Variants in SIMC1 observed in about 807,000 individuals in gnomAD.
SIMC1 encodes SUMO interacting motifs containing 1, also known as SUMO-interacting motif-containing protein 1.
In SIMC1, 55 loss-of-function variants were observed where a neutral mutation model predicts 82.3. That is an observed-to-expected ratio of 0.67 (90% CI 0.54 to 0.84). SIMC1 has a LOEUF of 0.84. Among genes scored for constraint, SIMC1 ranks in the 40% least tolerant of loss-of-function variants. The pLI, the probability that SIMC1 is intolerant of heterozygous loss-of-function variation, is 0.00. For synonymous variants in SIMC1, 353 were observed against 426.3 expected, an observed-to-expected ratio of 0.83 and a Z score of 2.12; for missense variants, 915 against 1,107.2, an observed-to-expected ratio of 0.83 and a Z score of 2.46.
Position 176,295,258 on chromosome 5 carries a change from C to T in SIMC1, c.1660C>T (p.Gln554Ter). The T allele has an allele frequency of 6.2e-7, 1 of 1,612,064 alleles. No homozygotes were observed. The highest frequency in any genetic ancestry group is 8.5e-7 in the Non-Finnish European group (1 of 1,178,956). Residue 554 changes from glutamine to a stop codon, truncating the protein, a stop_gained, in exon 3 of 10, where the codon CAA (glutamine) becomes TAA (stop). Transcript: ENST00000429602. LOFTEE classifies it high-confidence loss of function. ...GGCCTACATGCTTCTCATGAAAATT[C>T]AACAGTATGAACCGTAACCTCTGGC... Reference protein sequence around the residue: ...KEAYMLLMKIQQLHPANAKTV... With the variant: ...KEAYMLLMKI
intron 1 of SIMC1, among the ~76,000 whole-genome samples, chr5:176,269,382 ATAT>A (rs779167999): frequency 0.018 from 2,705 of 151,866 alleles, 6 homozygotes; most frequent in African/African-American, 0.053. Flanking sequence ...TTGATAGGAA[ATAT>A]TATGAACAAT....
intron 4 of SIMC1, among the ~76,000 whole-genome samples, chr5:176,304,586 T>C (rs1443208582): frequency 6.7e-6 from 1 of 148,692 alleles, no homozygotes; most frequent in Non-Finnish European, 1.5e-5. Flanking sequence ...GTGCCGAGAT[T>C]GCAGCCTCTG....
intron 4 of SIMC1, among the ~76,000 whole-genome samples, chr5:176,305,650 C>T (rs1261551485): frequency 1.6e-5 from 2 of 127,072 alleles, no homozygotes; most frequent in Non-Finnish European, 3.4e-5. Flanking sequence ...CCGGCTGCCC[C>T]TACTGGGAAG....
intron 4 of SIMC1, among the ~76,000 whole-genome samples, chr5:176,307,563 G>A (rs1477851629): frequency 3.3e-5 from 5 of 152,054 alleles, no homozygotes; most frequent in African/African-American, 1.2e-4. Flanking sequence ...ACCACGCCCG[G>A]CTAATTTTTT....
intron 7 of SIMC1, among the ~76,000 whole-genome samples, chr5:176,325,482 G>A (rs929494971): frequency 3.9e-5 from 6 of 151,952 alleles, no homozygotes; most frequent in Non-Finnish European, 2.9e-5. Context: ...TCAGGAGATC[G>A]AGACCATCCT....
intron 7 of SIMC1, among the ~76,000 whole-genome samples, chr5:176,330,712 G>A (rs1765610906): frequency 2.6e-5 from 4 of 152,102 alleles, no homozygotes; most frequent in Admixed American, 2.6e-4. Flanking sequence ...ACAGTAAAAA[G>A]CCAACTAATG....
intron 1 of SIMC1, among the ~76,000 whole-genome samples, chr5:176,287,197 C>T (rs1291041879): frequency 6.6e-6 from 1 of 152,124 alleles, no homozygotes; most frequent in Non-Finnish European, 1.5e-5. Flanking sequence ...TATTGTGGTA[C>T]TATTCACAAT....
intron 1 of SIMC1, among the ~76,000 whole-genome samples, chr5:176,275,505 C>A (rs1015771318): frequency 1.3e-5 from 2 of 151,896 alleles, no homozygotes; most frequent in Non-Finnish European, 2.9e-5. Flanking sequence ...ACTTCCAACA[C>A]TGTGTTGAAG....
rs1365942760 is a variant in SIMC1, at chr5:176,290,435, A to G, written c.911A>G (p.Tyr304Cys). 14 of 1,613,902 alleles carry G rather than the reference A, an allele frequency of 8.7e-6. No homozygotes were observed. The highest frequency in any genetic ancestry group is 1.1e-5 in the Non-Finnish European group (13 of 1,179,912). The change falls in exon 2 of 10, where the codon TAC becomes TGC. Residue 304 changes from tyrosine (Y) to cysteine (C), a missense_variant. Physicochemically the swap from Tyr to Cys is radical, Grantham distance 194. Coordinates refer to ENST00000429602, the MANE Select transcript of SIMC1 (RefSeq NM_001308195.2). ...ATATTACATCCACAAGATGTGGCAT[A>G]CCTGCAAGACATGCCACGGTCACCA... The part of the protein sequence containing the change: ...QSILHPQDVA[Y>C]LQDMPRSPGD...
intron 1 of SIMC1, among the ~76,000 whole-genome samples, chr5:176,274,649 T>TA (rs1322609025): frequency 6.6e-6 from 1 of 151,890 alleles, no homozygotes; most frequent in Non-Finnish European, 1.5e-5. Context: ...GTCTAACATT[T>TA]AAGTCTTTAA....
chr5:176,264,188 C>A (rs1163570683), intron 1 of SIMC1, among the ~76,000 whole-genome samples: 1 of 152,268 alleles, frequency 6.6e-6, no homozygotes, highest in Non-Finnish European at 1.5e-5. Flanking sequence ...CCTTTCCAGG[C>A]TGAAAATACA....
At position 176,322,374 on chromosome 5, in the gene SIMC1, G is replaced by A. The variant is rs1311510654; in HGVS notation, c.1991G>A (p.Ser664Asn). The A allele has an allele frequency of 2.5e-6, 4 of 1,607,400 alleles. No homozygotes were observed. Among genetic ancestry groups the A allele is most frequent in the Non-Finnish European group, 3.4e-6 (4 of 1,177,100 alleles). Residue 664 changes from serine (S) to asparagine (N), a missense_variant, in exon 6 of 10, where the codon AGC (serine) becomes AAC (asparagine). Ser to Asn is a conservative substitution (Grantham distance 46). Around this residue, in one of 2 missense-constraint regions of SIMC1, gnomAD observed 902 missense variants for 1,040.3 expected, o/e 0.87. Transcript: ENST00000429602. ...TSSGTGILKASSSHPSSQPNL... is the reference protein window; with the variant it reads ...TSSGTGILKANSSHPSSQPNL... ...TCAGGAACAGGAATCTTGAAAGCCA[G>A]CAGTAGCCACCCTTCTTCCCAGCCC...
intron 9 of SIMC1, 138 bp from the exon 10 acceptor site, chr5:176,345,045 C>T: frequency 9.5e-7 from 1 of 1,048,956 alleles, no homozygotes; most frequent in East Asian, 2.5e-5. Flanking sequence ...TTACTGCAGG[C>T]ACTCACACAG....
intron 9 of SIMC1, among the ~76,000 whole-genome samples, chr5:176,337,609 A>G (rs1373862594): frequency 2.0e-5 from 3 of 152,166 alleles, no homozygotes; most frequent in Non-Finnish European, 4.4e-5. Flanking sequence ...GGGCGGAAAA[A>G]AAGAGAAGTC....
intron 1 of SIMC1, among the ~76,000 whole-genome samples, chr5:176,249,529 G>T (rs13153704): frequency 0.73 from 111,094 of 151,456 alleles, 40,972 homozygotes; most frequent in Middle Eastern, 0.84. Context: ...GTCTATCTAT[G>T]TTGTTAATCT....
intron 1 of SIMC1, among the ~76,000 whole-genome samples, chr5:176,277,649 T>A (rs1026976345): frequency 2.6e-5 from 4 of 152,088 alleles, no homozygotes; most frequent in African/African-American, 9.7e-5. Context: ...AGGGATTCAG[T>A]TTCAGCTTTC....
At position 176,284,172 on chromosome 5, in the gene SIMC1, G is replaced by C. The variant is rs868484945; in HGVS notation, c.130-5482G>C. Among the ~76,000 whole-genome samples the C allele has an allele frequency of 2.6e-5, 4 of 152,154 alleles. No individual in the cohort carries two copies. The East Asian group carries it at 7.7e-4, about 29-fold the overall frequency. ...ATTGAACTCAGCTCTGTACCAAGCG[G>C]ACCTACTAGACATCTACAGAACTCT... On this transcript the variant is annotated intron_variant, in intron 1 of 9. Transcript: ENST00000429602.
intron 1 of SIMC1, among the ~76,000 whole-genome samples, chr5:176,285,736 AC>A (rs1446626652): frequency 2.0e-5 from 3 of 152,020 alleles, no homozygotes; most frequent in Non-Finnish European, 2.9e-5. Context: ...TATTTAGAAA[AC>A]CCCATCGTCT....
chr5:176,291,577 C>A (rs1581262993), intron 2 of SIMC1, among the ~76,000 whole-genome samples: 1 of 152,140 alleles, frequency 6.6e-6, no homozygotes, highest in Non-Finnish European at 1.5e-5. Flanking sequence ...ACCTCGTGAT[C>A]CACCCGCCTC....
Sources: allele counts gnomAD v4.1 joint callset (sites outside exome capture counted in the v4.1 genomes callset), GRCh38; gene constraint gnomAD v4.1.1; regional missense constraint gnomAD v4.1.1; transcripts MANE v1.5; gene names NCBI Gene and HGNC (gene_info 2026-07-23, HGNC 2026-07-21).